Variants in SCHIP1 observed in about 807,000 individuals in gnomAD.
SCHIP1 encodes the protein schwannomin-interacting protein 1.
In SCHIP1, 8 loss-of-function variants were observed where a neutral mutation model predicts 29.7. That is an observed-to-expected ratio of 0.27 (90% CI 0.16 to 0.49). The LOEUF (loss-of-function observed/expected upper bound fraction) is 0.49, where lower values mean the gene tolerates loss of function less well. Among genes scored for constraint, SCHIP1 ranks in the 20% least tolerant of loss-of-function variants. SCHIP1 has a pLI of 0.99. For synonymous variants in SCHIP1, 76 were observed against 94.9 expected, an observed-to-expected ratio of 0.80 and a Z score of 1.16; for missense variants, 193 against 294.6, an observed-to-expected ratio of 0.66 and a Z score of 2.52.
the SCHIP1 span, among the ~76,000 whole-genome samples, chr3:159,329,430 T>A: frequency 2.0e-5 from 3 of 152,154 alleles, no homozygotes; most frequent in African/African-American, 7.2e-5. Context: ...TCCGGTGTGG[T>A]CATGAAGTAG....
chr3:159,315,588 A>C, the SCHIP1 span, among the ~76,000 whole-genome samples: 1 of 151,824 alleles, frequency 6.6e-6, no homozygotes, highest in Non-Finnish European at 1.5e-5. Context: ...TTCTAAAGTA[A>C]TGTCTATATA....
At chr3:159,775,062 G>T in the SCHIP1 span, among the ~76,000 whole-genome samples, 1 of 152,070 alleles carries the variant, frequency 6.6e-6, no homozygotes, top group African/African-American at 2.4e-5. Flanking sequence ...CAAACAAAAA[G>T]CTTCAATTTT....
chr3:159,408,809 C>T, the SCHIP1 span, among the ~76,000 whole-genome samples: 1 of 152,102 alleles, frequency 6.6e-6, no homozygotes, highest in Non-Finnish European at 1.5e-5. Context: ...TATCCTGATA[C>T]CAAAACCAGA....
At chr3:159,737,938 G>A in the SCHIP1 span, among the ~76,000 whole-genome samples, 1 of 152,114 alleles carries the variant, frequency 6.6e-6, no homozygotes, top group East Asian at 1.9e-4. Context: ...ATGATGCTTT[G>A]CCTTGTTCAT....
the SCHIP1 span, among the ~76,000 whole-genome samples, chr3:159,693,277 CTGTT>C: frequency 2.0e-5 from 3 of 152,108 alleles, no homozygotes; most frequent in Non-Finnish European, 4.4e-5. Flanking sequence ...GATGCAGAAA[CTGTT>C]TGCACACAAA....
At chr3:159,522,553 GC>G in the SCHIP1 span, among the ~76,000 whole-genome samples, 1 of 152,200 alleles carries the variant, frequency 6.6e-6, no homozygotes, top group African/African-American at 2.4e-5. Flanking sequence ...GAATTTAGAA[GC>G]CTGTCTACTG....
chr3:159,774,412 A>G, the SCHIP1 span, among the ~76,000 whole-genome samples: 1 of 152,202 alleles, frequency 6.6e-6, no homozygotes, highest in African/African-American at 2.4e-5. Flanking sequence ...GTTGCCCTTT[A>G]TATATATCTG....
the SCHIP1 span, among the ~76,000 whole-genome samples, chr3:159,396,815 C>T: frequency 1.0e-3 from 155 of 151,912 alleles, 5 homozygotes; most frequent in South Asian, 0.03. Context: ...TTGCTCTTCT[C>T]GAGGAGTATC....
At chr3:159,522,846 C>G in the SCHIP1 span, among the ~76,000 whole-genome samples, 3 of 152,120 alleles carry the variant, frequency 2.0e-5, no homozygotes, top group African/African-American at 7.2e-5. Context: ...TCCAGCCCGG[C>G]GACAGAGCGA....
the SCHIP1 span, among the ~76,000 whole-genome samples, chr3:159,465,760 A>G: frequency 6.6e-6 from 1 of 152,182 alleles, no homozygotes; most frequent in Non-Finnish European, 1.5e-5. Flanking sequence ...GCATAATGCT[A>G]CAAAGGATAA....
chr3:159,890,486 A>T (rs1465083304), intron 5 of SCHIP1, among the ~76,000 whole-genome samples: 2 of 152,246 alleles, frequency 1.3e-5, no homozygotes, highest in Non-Finnish European at 2.9e-5. Context: ...AAAAAATTGG[A>T]CATATTCAGT....
At chr3:159,357,548 A>G in the SCHIP1 span, among the ~76,000 whole-genome samples, 2 of 152,200 alleles carry the variant, frequency 1.3e-5, no homozygotes, top group Non-Finnish European at 2.9e-5. Context: ...ATTACTGTGT[A>G]GACTAGAAGG....
the SCHIP1 span, among the ~76,000 whole-genome samples, chr3:159,782,223 C>A: frequency 4.7e-4 from 71 of 152,314 alleles, no homozygotes; most frequent in African/African-American, 1.6e-3. Context: ...TGCTGGGCCA[C>A]CTACTTTTCA....
At chr3:159,661,956 A>G in the SCHIP1 span, among the ~76,000 whole-genome samples, 2 of 152,144 alleles carry the variant, frequency 1.3e-5, no homozygotes, top group Non-Finnish European at 2.9e-5. Flanking sequence ...ACTTCCTCGT[A>G]GTTTCAGTAA....
the SCHIP1 span, among the ~76,000 whole-genome samples, chr3:159,487,808 T>TA: frequency 2.0e-5 from 3 of 152,092 alleles, no homozygotes; most frequent in African/African-American, 7.2e-5. Flanking sequence ...CAAGGGAAAA[T>TA]AAAAATTGTT....
chr3:159,651,872 G>A, the SCHIP1 span, among the ~76,000 whole-genome samples: 2 of 152,074 alleles, frequency 1.3e-5, no homozygotes, highest in Non-Finnish European at 2.9e-5. Context: ...TGAGGTAGGC[G>A]GATCACCAAG....
intron 4 of SCHIP1, 136 bp downstream of exon 5, chr3:159,888,041 G>A (rs1435528220): frequency 8.3e-7 from 1 of 1,201,224 alleles, no homozygotes; most frequent in African/African-American, 1.5e-5. Flanking sequence ...ATTGAGAAAT[G>A]ATTAAGTTTG....
At chr3:159,660,171 G>T in the SCHIP1 span, among the ~76,000 whole-genome samples, 2 of 152,146 alleles carry the variant, frequency 1.3e-5, no homozygotes, top group Non-Finnish European at 2.9e-5. Context: ...AGGAAAGAGT[G>T]CTGGGGGCAG....
chr3:159,554,026 ATGTGTGTG>A, the SCHIP1 span, among the ~76,000 whole-genome samples: 27 of 114,042 alleles, frequency 2.4e-4, no homozygotes, highest in African/African-American at 7.5e-4. Flanking sequence ...GTGTTTGTGT[ATGTGTGTG>A]TGTGTGTGTG....
Sources: allele counts gnomAD v4.1 joint callset (sites outside exome capture counted in the v4.1 genomes callset), GRCh38; gene constraint gnomAD v4.1.1; transcripts MANE v1.5; gene names NCBI Gene and HGNC (gene_info 2026-07-23, HGNC 2026-07-21).